TMEM150C: variants seen among roughly 807,000 people sequenced by gnomAD.
TMEM150C encodes the protein tentonin 3.
A neutral mutation model predicts 29.9 loss-of-function variants in TMEM150C; 10 were observed. The observed-to-expected ratio is 0.33, with a 90% CI of 0.21 to 0.57. TMEM150C has a LOEUF of 0.57. Among genes scored for constraint, TMEM150C ranks in the 20% least tolerant of loss-of-function variants. The pLI is 0.88. For synonymous variants in TMEM150C, 101 were observed against 112.5 expected, an observed-to-expected ratio of 0.90 and a Z score of 0.64; for missense variants, 251 against 303.6, an observed-to-expected ratio of 0.83 and a Z score of 1.29.
intron 1 of TMEM150C, among the ~76,000 whole-genome samples, chr4:82,561,102 G>C (rs1165787571): frequency 6.6e-6 from 1 of 152,144 alleles, no homozygotes; most frequent in Non-Finnish European, 1.5e-5. Context: ...GGAAAGGAAT[G>C]AGTAGAGAAA....
intron 1 of TMEM150C, among the ~76,000 whole-genome samples, chr4:82,553,666 A>G (rs1360774268): frequency 1.3e-5 from 2 of 152,216 alleles, no homozygotes; most frequent in African/African-American, 4.8e-5. Flanking sequence ...TGAGCCAAGG[A>G]CTGTGCTAGG....
intron 2 of TMEM150C, among the ~76,000 whole-genome samples, 195 bp downstream of exon 2, chr4:82,504,383 T>C (rs541973980): frequency 7.4e-4 from 112 of 152,250 alleles, no homozygotes; most frequent in African/African-American, 2.5e-3. Flanking sequence ...TCTGTATTTT[T>C]AGTAGAGACA....
At chr4:82,556,343 G>A (rs1311414735) in intron 1 of TMEM150C, among the ~76,000 whole-genome samples, 1 of 152,194 alleles carries the variant, frequency 6.6e-6, no homozygotes, top group Non-Finnish European at 1.5e-5. Context: ...ACATGGAGGA[G>A]CCAAAGTTTC....
At chr4:82,498,321 C>G (rs1723622584) in intron 5 of TMEM150C, among the ~76,000 whole-genome samples, 1 of 148,890 alleles carries the variant, frequency 6.7e-6, no homozygotes, top group East Asian at 2.0e-4. Flanking sequence ...GACAGAGTCC[C>G]TCTCTGTTGC....
chr4:82,504,732 A>C, intron 1 of TMEM150C, 65 bp from the exon 2 acceptor site: 2 of 1,422,802 alleles, frequency 1.4e-6, no homozygotes, highest in Non-Finnish European at 9.7e-7. Flanking sequence ...TTCAAGATAG[A>C]AAGTTTAGTC....
At chr4:82,506,897 G>A (rs909470772) in intron 1 of TMEM150C, among the ~76,000 whole-genome samples, 7 of 152,100 alleles carry the variant, frequency 4.6e-5, no homozygotes, top group Admixed American at 4.6e-4. Flanking sequence ...AATGAAACAG[G>A]GTCCTCAAAT....
intron 6 of TMEM150C, among the ~76,000 whole-genome samples, chr4:82,494,560 C>T (rs565184495): frequency 6.6e-6 from 1 of 152,200 alleles, no homozygotes; most frequent in South Asian, 2.1e-4. Flanking sequence ...TAGAAAGGTA[C>T]ATTAGGATCC....
intron 7 of TMEM150C, among the ~76,000 whole-genome samples, chr4:82,487,093 A>G (rs1022594359): frequency 2.0e-5 from 3 of 150,240 alleles, no homozygotes; most frequent in African/African-American, 4.9e-5. Flanking sequence ...AGAACCAAAG[A>G]AAAAAAAAAG....
In TMEM150C at chr4:82,484,344, T is replaced by A. The variant is rs1439117993; in HGVS notation, c.*1167A>T. 6.6e-6 allele frequency: 1 copy of A among 152,104 alleles called. No individual in the cohort carries two copies. Among genetic ancestry groups the A allele is most frequent in the South Asian group, 2.1e-4 (1 of 4,806 alleles). The allele number at this position is 152,104 out of a possible 1,614,324, so 9.4% of individuals were successfully genotyped here. ...TAGCAGGGGGGCCAGCTGTGTCAAT[T>A]TGGTTTTTAGGAAGGGTATTCTTTT... On this transcript the variant is annotated 3_prime_UTR_variant, in exon 8 of 8. Coordinates refer to ENST00000449862, the MANE Select transcript of TMEM150C (RefSeq NM_001080506.3).
At chr4:82,490,571 GTTTTT>G (rs202145535) in intron 6 of TMEM150C, among the ~76,000 whole-genome samples, 1 of 151,740 alleles carries the variant, frequency 6.6e-6, no homozygotes, top group Non-Finnish European at 1.5e-5. Flanking sequence ...TTTGGACATG[GTTTTT>G]TTTGTTTGTT....
chr4:82,506,702 A>C (rs1723933228), intron 1 of TMEM150C, among the ~76,000 whole-genome samples: 1 of 152,248 alleles, frequency 6.6e-6, no homozygotes, highest in African/African-American at 2.4e-5. Flanking sequence ...AACAGTGAAC[A>C]TTTTAAGCAT....
At chr4:82,523,048 A>G (rs1478133226) in intron 1 of TMEM150C, among the ~76,000 whole-genome samples, 1 of 152,178 alleles carries the variant, frequency 6.6e-6, no homozygotes, top group Non-Finnish European at 1.5e-5. Flanking sequence ...AATCTTTGTC[A>G]GAGGGTAGGG....
intron 1 of TMEM150C, among the ~76,000 whole-genome samples, chr4:82,549,477 G>T (rs1725498314): frequency 1.3e-5 from 2 of 152,184 alleles, no homozygotes; most frequent in African/African-American, 4.8e-5. Flanking sequence ...AGGATATGGG[G>T]AGTTGTTTAA....
At chr4:82,518,823 G>T (rs572507661) in intron 1 of TMEM150C, among the ~76,000 whole-genome samples, 1 of 152,118 alleles carries the variant, frequency 6.6e-6, no homozygotes, top group African/African-American at 2.4e-5. Flanking sequence ...GTACTTGGTA[G>T]AGTACAAAAA....
At chr4:82,498,788 A>G (rs180896574) in intron 5 of TMEM150C, among the ~76,000 whole-genome samples, 23 of 152,264 alleles carry the variant, frequency 1.5e-4, no homozygotes, top group Non-Finnish European at 1.6e-4. Flanking sequence ...TCTCTTCATT[A>G]TCTATTTCTG....
chr4:82,551,295 T>G (rs567102119), intron 1 of TMEM150C, among the ~76,000 whole-genome samples: 1 of 152,294 alleles, frequency 6.6e-6, no homozygotes, highest in Non-Finnish European at 1.5e-5. Context: ...ACTATACTAT[T>G]TATTTATCTA....
At chr4:82,556,549 C>G (rs1341976499) in intron 1 of TMEM150C, among the ~76,000 whole-genome samples, 1 of 152,160 alleles carries the variant, frequency 6.6e-6, no homozygotes. Flanking sequence ...CATGGTGGCA[C>G]ACGCCTGTAG....
chr4:82,547,240 A>G (rs1725413027), intron 1 of TMEM150C, among the ~76,000 whole-genome samples: 1 of 152,132 alleles, frequency 6.6e-6, no homozygotes, highest in African/African-American at 2.4e-5. Context: ...AAAAGACATG[A>G]ACACACACGT....
chr4:82,492,864 G>GTATATA (rs58169287), intron 6 of TMEM150C, among the ~76,000 whole-genome samples: 4,456 of 90,020 alleles, frequency 0.05, 144 homozygotes, highest in East Asian at 0.066. Flanking sequence ...ATATGTTTGT[G>GTATATA]TATATATATA....
Sources: gnomAD v4.1 joint callset for allele counts (sites outside exome capture counted in the v4.1 genomes callset) on GRCh38, gnomAD v4.1.1 for gene constraint, MANE v1.5 for transcripts, NCBI Gene and HGNC (gene_info 2026-07-23, HGNC 2026-07-21) for gene names.